ZNF766: variants seen among roughly 807,000 people sequenced by gnomAD.
The protein encoded by ZNF766 is zinc finger protein 766.
In ZNF766, 13 loss-of-function variants were observed where a neutral mutation model predicts 13.2. That is an observed-to-expected ratio of 0.98 (90% CI 0.64 to 1.56). The LOEUF (loss-of-function observed/expected upper bound fraction) is 1.56. ZNF766 is among the 40% of genes most tolerant of loss of function. The probability of loss-of-function intolerance (pLI) is 0.00; values close to 1 mark genes in which losing one functional copy is unlikely to be tolerated. For synonymous variants in ZNF766, 178 were observed against 187.6 expected (o/e 0.95, Z 0.42); for missense variants, 521 against 552.2 (o/e 0.94, Z 0.57).
At chr19:52,284,529 A>G (rs1339838426) in intron 3 of ZNF766, among the ~76,000 whole-genome samples, 1 of 152,134 alleles carries the variant, frequency 6.6e-6, no homozygotes, top group Non-Finnish European at 1.5e-5. Context: ...GGTCACCAAA[A>G]TGTGTGGAGA....
At chr19:52,282,079 A>C in intron 1 of ZNF766, 32 bp from the exon 2 acceptor site, 4 of 1,585,358 alleles carry the variant, frequency 2.5e-6, no homozygotes, top group Non-Finnish European at 3.4e-6. Flanking sequence ...CTCTCTCCTT[A>C]CCCTGTTGGT....
chr19:52,290,542 CT>C lies in ZNF766; in HGVS notation c.752del (p.Leu251ProfsTer64). On this transcript the variant is annotated frameshift_variant, in exon 4 of 4. Coordinates refer to ENST00000439461, the MANE Select transcript of ZNF766 (RefSeq NM_001010851.3). LOFTEE classifies it low-confidence loss of function (END_TRUNC). ...KPYKCKECGK[L>X]FNRIAYLARH... is the part of the protein sequence containing the mutation. ...TTACAAATGTAAAGAGTGTGGCAAG[CT>C]CTTCAATCGAATTGCATACCTTGCA... 3 of 1,613,796 alleles carry C rather than the reference CT, an allele frequency of 1.9e-6. No homozygotes were observed.
intron 1 of ZNF766, among the ~76,000 whole-genome samples, chr19:52,274,824 C>CAA (rs35190645): frequency 2.0e-4 from 30 of 149,408 alleles, no homozygotes; most frequent in Middle Eastern, 3.4e-3. Flanking sequence ...GACTCCATCT[C>CAA]AAAAAAAAAG....
chr19:52,271,371 G>A (rs1980965433), intron 1 of ZNF766, among the ~76,000 whole-genome samples: 1 of 152,094 alleles, frequency 6.6e-6, no homozygotes, highest in Non-Finnish European at 1.5e-5. Flanking sequence ...GTGTGCCAGA[G>A]AACTGGTCAG....
At chr19:52,277,112 A>G in intron 1 of ZNF766, 1 of 1,017,036 alleles carries the variant, frequency 9.8e-7, no homozygotes, top group Non-Finnish European at 1.2e-6. Flanking sequence ...GGAAGAAAGT[A>G]TGTTGATTCT....
At chr19:52,280,112 A>G (rs1317206412) in intron 1 of ZNF766, among the ~76,000 whole-genome samples, 1 of 152,096 alleles carries the variant, frequency 6.6e-6, no homozygotes, top group Non-Finnish European at 1.5e-5. Flanking sequence ...CTTTTTTTAA[A>G]TAGCTTAATA....
chr19:52,282,175 C>T lies in ZNF766; in HGVS notation c.83C>T (p.Pro28Leu), dbSNP rs575829893. The change falls in exon 2 of 4, where the codon CCT becomes CTT. Residue 28 changes from proline (P) to leucine (L), a missense_variant. Physicochemically the swap from Pro to Leu is moderately conservative, Grantham distance 98. Coordinates refer to ENST00000439461, the MANE Select transcript of ZNF766 (RefSeq NM_001010851.3). Reference protein sequence around the residue: ...FSQEEWKCLDPVQKALYRDVM... With the variant: ...FSQEEWKCLDLVQKALYRDVM... ...CAGGAGGAGTGGAAATGCCTGGACCCTGTGCAGAAGGCTTTATACAGGGAT... is the reference window on the plus strand; with the variant it reads ...CAGGAGGAGTGGAAATGCCTGGACCTTGTGCAGAAGGCTTTATACAGGGAT... 10 of 1,606,398 alleles carry T rather than the reference C, an allele frequency of 6.2e-6. No individual in the cohort carries two copies. The East Asian group carries it at 2.0e-4, about 32-fold the overall frequency.
At chr19:52,289,820 G>A (rs1273996577) in intron 3 of ZNF766, among the ~76,000 whole-genome samples, 2 of 152,068 alleles carry the variant, frequency 1.3e-5, no homozygotes, top group African/African-American at 4.8e-5. Context: ...CTAACACAGT[G>A]AAACCCCGTC....
chr19:52,277,468 C>A (rs767912503), intron 1 of ZNF766: 53 of 1,555,122 alleles, frequency 3.4e-5, no homozygotes, highest in Non-Finnish European at 4.6e-5. Context: ...CAAAAAAAAA[C>A]AAAAAAAGTC....
chr19:52,293,208 C>G lies in ZNF766; in HGVS notation c.*2010C>G, dbSNP rs1267828057. ...TTTTTTTTTGAGATGAAGTTTTGCT[C>G]TGTCACTCAGGCTGAAGTGCAATGG... is the stretch of plus-strand genomic sequence containing the variant. On this transcript the variant is annotated 3_prime_UTR_variant, in exon 4 of 4. Transcript: ENST00000439461. 7.5e-6 allele frequency: 1 copy of G among 132,846 alleles called. No homozygotes were observed. The highest frequency in any genetic ancestry group is 8.2e-5 in the Admixed American group (1 of 12,128). 8.2% of individuals were successfully genotyped at this position (132,846 alleles called of 1,614,324 possible). A position where few individuals can be genotyped will look rare whatever the true frequency, so the allele number is the denominator to read the frequency against.
rs1305624996 is a variant in ZNF766, at chr19:52,295,595, A to G, written c.*4397A>G. ...AATATTTTTTGACAAGAGTATGCAC[A>G]AGACAATGGCAGGTATAAACGTTTT... is the stretch of plus-strand genomic sequence containing the variant. On this transcript the variant is annotated 3_prime_UTR_variant, in exon 4 of 4. Coordinates refer to ENST00000439461, the MANE Select transcript of ZNF766 (RefSeq NM_001010851.3). The G allele has an allele frequency of 1.3e-5, 2 of 152,248 alleles. No homozygotes were observed. The highest frequency in any genetic ancestry group is 2.9e-5 in the Non-Finnish European group (2 of 68,050). The allele number at this position is 152,248 out of a possible 1,614,324, so 9.4% of individuals were successfully genotyped here.
At chr19:52,287,018 A>G (rs977930384) in intron 3 of ZNF766, among the ~76,000 whole-genome samples, 2 of 151,574 alleles carry the variant, frequency 1.3e-5, no homozygotes, top group Non-Finnish European at 2.9e-5. Context: ...ATATTTTAAT[A>G]GAGACAGTGT....
chr19:52,277,295 T>C (rs1031587407), intron 1 of ZNF766: 15 of 986,086 alleles, frequency 1.5e-5, no homozygotes, highest in Non-Finnish European at 2.0e-5. Flanking sequence ...CCGTCTCTAC[T>C]ACGAATACAA....
At chr19:52,277,084 G>A (rs551776419) in intron 1 of ZNF766, 6 of 1,004,404 alleles carry the variant, frequency 6.0e-6, no homozygotes, top group Admixed American at 5.7e-5. Context: ...TCTTCCCTGC[G>A]TGTGTGGTTG....
intron 3 of ZNF766, chr19:52,288,040 A>G: frequency 2.5e-6 from 1 of 406,600 alleles, no homozygotes; most frequent in Non-Finnish European, 4.7e-6. Flanking sequence ...TTTTTTTTTG[A>G]GATGGAGTCC....
At chr19:52,279,790 T>TG (rs1981394268) in intron 1 of ZNF766, among the ~76,000 whole-genome samples, 1 of 82,464 alleles carries the variant, frequency 1.2e-5, no homozygotes, top group Non-Finnish European at 2.4e-5. Context: ...TTACCTTTTC[T>TG]TTTTTTTTTT....
Position 52,290,523 on chromosome 19 carries a change from A to G in ZNF766, c.732A>G (p.Lys244=), listed in dbSNP as rs1279937742. 2 of 1,614,084 alleles carry G rather than the reference A, an allele frequency of 1.2e-6. No homozygotes were observed. The highest frequency in any genetic ancestry group is 1.3e-5 in the African/African-American group (1 of 74,946). The change falls in exon 4 of 4, where the codon AAA becomes AAG. Residue 244 remains lysine (K), a synonymous_variant. Coordinates refer to ENST00000439461, the MANE Select transcript of ZNF766 (RefSeq NM_001010851.3). The part of the protein sequence containing the change: ...WRIRTGEKPY[K]CKECGKLFNR... Reference sequence around the variant, plus strand: ...TTCGTACAGGAGAGAAACCTTACAAATGTAAAGAGTGTGGCAAGCTCTTCA... The same window carrying G: ...TTCGTACAGGAGAGAAACCTTACAAGTGTAAAGAGTGTGGCAAGCTCTTCA...
chr19:52,286,055 G>A (rs1981801521), intron 3 of ZNF766, among the ~76,000 whole-genome samples: 1 of 151,132 alleles, frequency 6.6e-6, no homozygotes, highest in Non-Finnish European at 1.5e-5. Flanking sequence ...ATCAATGAAA[G>A]AGAGTTAATA....
rs780333336 is a variant in ZNF766, at chr19:52,292,380, C to T, written c.*1182C>T. On this transcript the variant is annotated 3_prime_UTR_variant, in exon 4 of 4. Transcript: ENST00000439461. ...TCCTGACAGGCACAGTGCTGCTGTGCTCTACAAATGACCATGAAATAGAGC... is the reference window on the plus strand; with the variant it reads ...TCCTGACAGGCACAGTGCTGCTGTGTTCTACAAATGACCATGAAATAGAGC... The T allele has an allele frequency of 1.8e-6, 1 of 552,222 alleles. No individual in the cohort carries two copies. Among genetic ancestry groups the T allele is most frequent in the Non-Finnish European group, 3.2e-6 (1 of 311,858 alleles). 34.2% of individuals were successfully genotyped at this position (552,222 alleles called of 1,614,324 possible).
Sources: allele counts gnomAD v4.1 joint callset (sites outside exome capture counted in the v4.1 genomes callset), GRCh38; gene constraint gnomAD v4.1.1; transcripts MANE v1.5; gene names NCBI Gene and HGNC (gene_info 2026-07-23, HGNC 2026-07-21).